The following CDH12 variants were observed in gnomAD, a reference collection of about 807,000 sequenced individuals.
CDH12 encodes cadherin-12.
Under a neutral mutation model 74.1 loss-of-function variants are expected in CDH12, and 41 were observed. The observed-to-expected ratio is 0.55, with a 90% CI of 0.43 to 0.72. The LOEUF is 0.72. Ranked by LOEUF, CDH12 falls within the 30% of genes least tolerant of loss-of-function variation. The probability of loss-of-function intolerance (pLI) is 0.00; values close to 1 mark genes in which losing one functional copy is unlikely to be tolerated. For missense variants in CDH12, 945 were observed against 977.2 expected (o/e 0.97, Z 0.44); for synonymous variants, 399 against 355.0 (o/e 1.12, Z -1.39).
At chr5:22,544,441 C>A (rs1330263181) in intron 1 of CDH12, among the ~76,000 whole-genome samples, 1 of 152,138 alleles carries the variant, frequency 6.6e-6, no homozygotes, top group Non-Finnish European at 1.5e-5. Flanking sequence ...TGTTCAAAAT[C>A]ATTCTGTACA....
intron 1 of CDH12, among the ~76,000 whole-genome samples, chr5:22,786,338 G>C (rs1439261425): frequency 2.6e-5 from 4 of 152,190 alleles, no homozygotes; most frequent in African/African-American, 9.6e-5. Flanking sequence ...TAGACATACT[G>C]TGTGGGGAAG....
chr5:22,730,109 T>C lies in CDH12; in HGVS notation c.-523+122949A>G, dbSNP rs143107256. On this transcript the variant is annotated intron_variant, in intron 1 of 14. Coordinates refer to ENST00000382254, the MANE Select transcript of CDH12 (RefSeq NM_004061.5). ...TCTAAGGAAAATACATCTTTTGAAA[T>C]ATTGGACCTCATTTTATATTTCTGA... Among the ~76,000 whole-genome samples, 460 of 151,986 alleles carry C rather than the reference T, an allele frequency of 3.0e-3. 5 individuals are homozygous for C. Among genetic ancestry groups the C allele is most frequent in the African/African-American group, 0.01 (431 of 41,506 alleles).
intron 8 of CDH12, among the ~76,000 whole-genome samples, chr5:21,832,518 A>C (rs2149968992): frequency 6.6e-6 from 1 of 151,796 alleles, no homozygotes; most frequent in East Asian, 1.9e-4. Flanking sequence ...TGACATTGTT[A>C]AGCTATTTGG....
intron 4 of CDH12, among the ~76,000 whole-genome samples, chr5:22,193,191 G>A (rs1302202475): frequency 6.6e-6 from 1 of 152,114 alleles, no homozygotes; most frequent in African/African-American, 2.4e-5. Flanking sequence ...AATACTAAAT[G>A]TTTTGAACAC....
At chr5:22,614,531 G>C (rs1737590899) in intron 1 of CDH12, among the ~76,000 whole-genome samples, 1 of 40,344 alleles carries the variant, frequency 2.5e-5, no homozygotes, top group Non-Finnish European at 4.9e-5. Flanking sequence ...GAGTTAATTT[G>C]TGGAAACACA....
chr5:22,386,840 AT>A (rs1186925977), intron 3 of CDH12, among the ~76,000 whole-genome samples: 1 of 151,958 alleles, frequency 6.6e-6, no homozygotes, highest in African/African-American at 2.4e-5. Flanking sequence ...ATTAAGGTTA[AT>A]TTAAAAGTTT....
At chr5:22,396,799 A>G (rs1350550146) in intron 3 of CDH12, among the ~76,000 whole-genome samples, 1 of 152,038 alleles carries the variant, frequency 6.6e-6, no homozygotes, top group African/African-American at 2.4e-5. Context: ...CTATCCTACA[A>G]ACTCAAGATT....
intron 3 of CDH12, among the ~76,000 whole-genome samples, chr5:22,371,088 A>C (rs1741268734): frequency 6.6e-6 from 1 of 152,162 alleles, no homozygotes; most frequent in African/African-American, 2.4e-5. Flanking sequence ...GATATACATC[A>C]GAGTATAATT....
At chr5:21,851,172 A>T (rs1750447028) in intron 7 of CDH12, among the ~76,000 whole-genome samples, 1 of 151,292 alleles carries the variant, frequency 6.6e-6, no homozygotes, top group African/African-American at 2.4e-5. Context: ...TTACCATATG[A>T]TATGAAATAT....
At chr5:22,575,231 T>C (rs536748659) in intron 1 of CDH12, among the ~76,000 whole-genome samples, 11 of 152,238 alleles carry the variant, frequency 7.2e-5, no homozygotes, top group Admixed American at 7.2e-4. Context: ...TTTTTTCCTA[T>C]ATTTCTTGGA....
intron 4 of CDH12, among the ~76,000 whole-genome samples, chr5:22,098,293 T>C (rs546487970): frequency 9.9e-5 from 15 of 152,146 alleles, no homozygotes; most frequent in African/African-American, 2.7e-4. Flanking sequence ...TAAAAACACA[T>C]GTGCTCTCCA....
chr5:21,819,363 C>A (rs780785921), intron 8 of CDH12, among the ~76,000 whole-genome samples: 1 of 151,942 alleles, frequency 6.6e-6, no homozygotes. Flanking sequence ...AGGACAAATT[C>A]CAAAGAAAAA....
In CDH12 at chr5:22,046,524, C is replaced by T. The variant is rs368730146; in HGVS notation, c.231+31922G>A. On this transcript the variant is annotated intron_variant, in intron 5 of 14. Coordinates refer to ENST00000382254, the MANE Select transcript of CDH12 (RefSeq NM_004061.5). ...TTGGCTCACTGCAAGCTCTGCCTCC[C>T]GGGTTCACGCCATTCTCCTGCCTCA... 1.7e-4 allele frequency among the ~76,000 whole-genome samples: 25 copies of T among 149,922 alleles called. No homozygotes were observed. In the East Asian group the frequency reaches 3.7e-3, roughly 22 times the overall value.
chr5:22,603,645 G>C (rs1013415667), intron 1 of CDH12, among the ~76,000 whole-genome samples: 1 of 152,150 alleles, frequency 6.6e-6, no homozygotes, highest in Non-Finnish European at 1.5e-5. Context: ...CCAAGGGGGA[G>C]GGAGAAATCT....
intron 1 of CDH12, among the ~76,000 whole-genome samples, chr5:22,846,682 A>G (rs773025436): frequency 1.3e-5 from 2 of 152,230 alleles, no homozygotes; most frequent in Non-Finnish European, 2.9e-5. Flanking sequence ...CCAAAACTCT[A>G]TGAGACAGGT....
chr5:22,215,276 A>G (rs1403529647), intron 3 of CDH12, among the ~76,000 whole-genome samples: 1 of 152,182 alleles, frequency 6.6e-6, no homozygotes, highest in Non-Finnish European at 1.5e-5. Flanking sequence ...AAATTCCCAA[A>G]TGTTAAAACT....
chr5:21,830,609 A>G (rs2149966141), intron 8 of CDH12, among the ~76,000 whole-genome samples: 1 of 152,302 alleles, frequency 6.6e-6, no homozygotes, highest in South Asian at 2.1e-4. Flanking sequence ...TTGATTATGT[A>G]AAAGCTTTGC....
chr5:22,094,134 C>A (rs529941970), intron 4 of CDH12, among the ~76,000 whole-genome samples: 6 of 152,082 alleles, frequency 3.9e-5, no homozygotes, highest in Non-Finnish European at 7.4e-5. Context: ...AGAGGCAAAC[C>A]GTTACACAGA....
rs1055799629 is a variant in CDH12, at chr5:22,181,935, A to G, written c.-187+30563T>C. On this transcript the variant is annotated intron_variant, in intron 4 of 14. Transcript: ENST00000382254. ...GCCACATCTCTCCATACTCACTACA[A>G]TCTTTATATCCCAGGCTATCTTGAT... 3.3e-5 allele frequency among the ~76,000 whole-genome samples: 5 copies of G among 151,988 alleles called. No individual in the cohort carries two copies. In the East Asian group the frequency reaches 7.7e-4, roughly 23 times the overall value.
Sources: gnomAD v4.1 joint callset for allele counts (sites outside exome capture counted in the v4.1 genomes callset) on GRCh38, gnomAD v4.1.1 for gene constraint, MANE v1.5 for transcripts, NCBI Gene and HGNC (gene_info 2026-07-23, HGNC 2026-07-21) for gene names.